Variants in NOL4L observed in about 807,000 individuals in gnomAD.
NOL4L encodes the protein nucleolar protein 4 like, also known as nucleolar protein 4-like.
In NOL4L, 7 loss-of-function variants were observed where a neutral mutation model predicts 64.5. The ratio of observed to expected loss-of-function variants is 0.11; its 90% confidence interval spans 0.06 to 0.20. NOL4L has a LOEUF of 0.20. NOL4L is among the 10% of genes least tolerant of loss of function. NOL4L has a pLI of 1.00. For missense variants in NOL4L, 680 were observed against 967.1 expected, an observed-to-expected ratio of 0.70 and a Z score of 3.94; for synonymous variants, 413 against 401.0, an observed-to-expected ratio of 1.03 and a Z score of -0.36.
intron 1 of NOL4L, among the ~76,000 whole-genome samples, chr20:32,552,192 T>G (rs535699813): frequency 2.6e-5 from 4 of 152,264 alleles, no homozygotes; most frequent in South Asian, 2.1e-4. Flanking sequence ...TACAACATAT[T>G]TTGTGTAAAA....
chr20:32,547,882 C>T (rs2018752235), intron 1 of NOL4L, among the ~76,000 whole-genome samples: 1 of 152,164 alleles, frequency 6.6e-6, no homozygotes, highest in African/African-American at 2.4e-5. Context: ...CTGGGGCAAT[C>T]GTGCCTCTGT....
chr20:32,523,130 G>C (rs999179071), intron 2 of NOL4L, among the ~76,000 whole-genome samples: 1 of 152,214 alleles, frequency 6.6e-6, no homozygotes, highest in African/African-American at 2.4e-5. Flanking sequence ...GACCCCAGCA[G>C]TGTGCAAAGG....
At position 32,511,424 on chromosome 20, in the gene NOL4L, T is replaced by C. The variant is rs2017399341; in HGVS notation, c.622A>G (p.Ile208Val). 1.3e-6 allele frequency: 2 copies of C among 1,550,354 alleles called. No homozygotes were observed. The highest frequency in any genetic ancestry group is 1.7e-4 in the Middle Eastern group (1 of 5,992). Residue 208 changes from isoleucine to valine, a missense_variant, in exon 4 of 11, where the codon ATT becomes GTT. Transcript: ENST00000621426. The part of the protein sequence containing the change: ...NEPPSPLVSG[I>V]IDYNMPLTST... ...GTGAGGGGCATGTTGTAATCAATAA[T>C]CCCAGAGACCAGTGGAGATGGAGGC... is the stretch of plus-strand genomic sequence containing the variant.
At chr20:32,524,094 G>A (rs941701667) in intron 2 of NOL4L, among the ~76,000 whole-genome samples, 1 of 152,194 alleles carries the variant, frequency 6.6e-6, no homozygotes, top group Non-Finnish European at 1.5e-5. Context: ...CCAGCACCCT[G>A]GGAGGGAAAA....
intron 1 of NOL4L, among the ~76,000 whole-genome samples, chr20:32,558,472 G>C (rs760905593): frequency 6.6e-6 from 1 of 152,216 alleles, no homozygotes; most frequent in African/African-American, 2.4e-5. Flanking sequence ...CCCTGAATGA[G>C]ACTATTGAGG....
intron 4 of NOL4L, among the ~76,000 whole-genome samples, chr20:32,485,078 A>AAAAAAAAAAAAAAAAAAAAAAAAAAAAAC (rs1568643165): frequency 6.8e-6 from 1 of 147,714 alleles, no homozygotes; most frequent in Non-Finnish European, 1.5e-5. Flanking sequence ...AAAAAAAAAA[A>AAAAAAAAAAAAAAAAAAAAAAAAAAAAAC]AAAAAAAAAC....
intron 4 of NOL4L, among the ~76,000 whole-genome samples, chr20:32,481,969 G>GT (rs1052635019): frequency 3.4e-5 from 5 of 149,176 alleles, no homozygotes; most frequent in East Asian, 2.0e-4. Flanking sequence ...CGGGGCGGGG[G>GT]GGGGGGAGCA....
chr20:32,544,300 G>A (rs1044857747), intron 1 of NOL4L, among the ~76,000 whole-genome samples: 5 of 151,892 alleles, frequency 3.3e-5, no homozygotes, highest in African/African-American at 4.8e-5. Context: ...TGGGAAGGCA[G>A]GGGGCGGGTG....
intron 4 of NOL4L, among the ~76,000 whole-genome samples, chr20:32,500,538 CTTT>C (rs35172494): frequency 0.2 from 25,297 of 129,550 alleles, 4,575 homozygotes; most frequent in African/African-American, 0.48. Flanking sequence ...GTATTTCTTT[CTTT>C]TTTTTTTTTT....
intron 1 of NOL4L, among the ~76,000 whole-genome samples, chr20:32,578,597 T>C (rs1980280002): frequency 6.6e-6 from 1 of 152,202 alleles, no homozygotes. Context: ...GTCCCCAGGC[T>C]GGTAGGCCTG....
chr20:32,480,274 G>C (rs2015636147), intron 4 of NOL4L, among the ~76,000 whole-genome samples: 1 of 152,184 alleles, frequency 6.6e-6, no homozygotes, highest in South Asian at 2.1e-4. Flanking sequence ...GAAAGAAAAG[G>C]AGGAGGATTT....
chr20:32,472,072 C>T (rs755357893), intron 5 of NOL4L, among the ~76,000 whole-genome samples: 3 of 152,160 alleles, frequency 2.0e-5, no homozygotes, highest in African/African-American at 7.2e-5. Context: ...ACACTCCCGG[C>T]GAAAAGAAAA....
intron 1 of NOL4L, among the ~76,000 whole-genome samples, chr20:32,528,463 C>T (rs991713867): frequency 7.8e-4 from 118 of 152,238 alleles, no homozygotes; most frequent in African/African-American, 2.6e-3. Context: ...CAACGGCACC[C>T]GGGCCCTTTG....
chr20:32,460,022 C>G lies in NOL4L; in HGVS notation c.842-3627G>C, dbSNP rs745512568. Among the ~76,000 whole-genome samples the G allele has an allele frequency of 6.6e-6, 1 of 152,132 alleles. No individual in the cohort carries two copies. The highest frequency in any genetic ancestry group is 6.5e-5 in the Admixed American group (1 of 15,274). On this transcript the variant is annotated intron_variant, in intron 5 of 10. Transcript: ENST00000621426. This position sits in a 1 kb window ranked among gnomAD's most constrained non-coding sequence, Gnocchi z 5.7. ...AGGATACTCAGTGATTCCACTTCTACGCAGCATCTGGAACAGGCAAATTCA... is the reference window on the plus strand; with the variant it reads ...AGGATACTCAGTGATTCCACTTCTAGGCAGCATCTGGAACAGGCAAATTCA...
At chr20:32,495,329 G>A (rs1600756088) in intron 4 of NOL4L, among the ~76,000 whole-genome samples, 1 of 152,356 alleles carries the variant, frequency 6.6e-6, no homozygotes, top group South Asian at 2.1e-4. Flanking sequence ...ACTCATATCT[G>A]TCGAGGAGGC....
At chr20:32,455,590 A>G (rs763314335) in intron 6 of NOL4L, among the ~76,000 whole-genome samples, 1 of 152,108 alleles carries the variant, frequency 6.6e-6, no homozygotes, top group Non-Finnish European at 1.5e-5. Flanking sequence ...AGGCCCCAGG[A>G]AGCAGGGGGG....
In NOL4L at chr20:32,447,403, CAAAAAAAAAAAA is replaced by C. The variant is rs386393630; in HGVS notation, c.*181_*192del. 5.5e-4 allele frequency: 84 copies of C among 151,832 alleles called. 1 individual carries two copies. The highest frequency in any genetic ancestry group is 3.7e-3 in the African/African-American group (50 of 13,416). The allele number at this position is 151,832 out of a possible 1,614,324, so 9.4% of individuals were successfully genotyped here. A position where few individuals can be genotyped will look rare whatever the true frequency, so the allele number is the denominator to read the frequency against. On this transcript the variant is annotated 3_prime_UTR_variant, in exon 11 of 11. Transcript: ENST00000621426. ...TCAGAGCACCCGTGTGGTGAGATTCCAAAAAAAAAAAAAAAAAAAAAAAAAAGTGTCCTTGTG... is the reference window on the plus strand; with the variant it reads ...TCAGAGCACCCGTGTGGTGAGATTCCAAAAAAAAAAAAAAGTGTCCTTGTG...
intron 2 of NOL4L, among the ~76,000 whole-genome samples, chr20:32,521,555 C>T (rs2017934776): frequency 6.6e-6 from 1 of 152,224 alleles, no homozygotes. Context: ...GACTAAACCC[C>T]ATGTTCCAGG....
chr20:32,548,779 T>TTCACTGAAG (rs1252019592), intron 1 of NOL4L: 2 of 433,848 alleles, frequency 4.6e-6, no homozygotes, highest in South Asian at 3.3e-5. Flanking sequence ...TTCAGGGATG[T>TTCACTGAAG]TCACTGAAGT....
Sources: gnomAD v4.1 joint callset for allele counts (sites outside exome capture counted in the v4.1 genomes callset) on GRCh38, gnomAD v4.1.1 for gene constraint, Gnocchi (gnomAD v3.1) non-coding constraint, MANE v1.5 for transcripts, NCBI Gene and HGNC (gene_info 2026-07-23, HGNC 2026-07-21) for gene names.